ENPP2: variants seen among roughly 807,000 people sequenced by gnomAD.
ENPP2 encodes autotaxin.
Under a neutral mutation model 120.2 loss-of-function variants are expected in ENPP2, and 51 were observed. The observed-to-expected ratio is 0.42, with a 90% CI of 0.34 to 0.54. The LOEUF is 0.54. Among genes scored for constraint, ENPP2 ranks in the 20% least tolerant of loss-of-function variants. The pLI is 0.04. For missense variants in ENPP2, 920 were observed against 1,066.5 expected (o/e 0.86, Z 1.91); for synonymous variants, 365 against 366.4 (o/e 1.00, Z 0.04).
chr8:119,577,654 T>G (rs566719473), intron 19 of ENPP2, among the ~76,000 whole-genome samples: 19 of 152,228 alleles, frequency 1.2e-4, no homozygotes, highest in Non-Finnish European at 2.8e-4. Context: ...TTGGTGCCAC[T>G]AGGCCATGAG....
At chr8:119,652,253 C>T (rs1261509428) in intron 1 of ENPP2, among the ~76,000 whole-genome samples, 1 of 152,078 alleles carries the variant, frequency 6.6e-6, no homozygotes, top group Non-Finnish European at 1.5e-5. Flanking sequence ...CATGAAGCCT[C>T]TACCCTCATG....
In ENPP2 at chr8:119,607,951, C is replaced by A; in HGVS notation, c.804G>T (p.Gly268=). 1 of 1,610,834 alleles carries A rather than the reference C, an allele frequency of 6.2e-7. No individual in the cohort carries two copies. The highest frequency in any genetic ancestry group is 8.5e-7 in the Non-Finnish European group (1 of 1,178,188). The change falls in exon 9 of 25, where the codon GGG becomes GGT. Residue 268 remains glycine, a synonymous_variant. Transcript: ENST00000075322. The stretch of plus-strand genomic sequence containing the variant: ...ACCAAAAGAATGTTCCAGCTTTCAC[C>A]CCTTGCTTGGTGGCTGTAATCCATA... ...QPLWITATKQ[G]VKAGTFFWSV...
In ENPP2 at chr8:119,557,235, G is replaced by T; in HGVS notation, c.*286C>A. ...GACTAAATGTGGCAACTGTGCATTG[G>T]AAAATTAATATTTCCTCAATGCAAA... is the stretch of plus-strand genomic sequence containing the variant. On this transcript the variant is annotated 3_prime_UTR_variant, in exon 25 of 25. Coordinates refer to ENST00000075322, the MANE Select transcript of ENPP2 (RefSeq NM_001040092.3). 1 of 328,250 alleles carries T rather than the reference G, an allele frequency of 3.0e-6. No homozygotes were observed. The highest frequency in any genetic ancestry group is 5.6e-6 in the Non-Finnish European group (1 of 179,182). 20.3% of individuals were successfully genotyped at this position (328,250 alleles called of 1,614,324 possible).
At chr8:119,620,815 C>A (rs944281882) in intron 4 of ENPP2, among the ~76,000 whole-genome samples, 5 of 152,166 alleles carry the variant, frequency 3.3e-5, no homozygotes, top group African/African-American at 9.7e-5. Flanking sequence ...AATGCTGGCC[C>A]CCTCATCCCC....
At chr8:119,600,490 G>T (rs887271268) in intron 11 of ENPP2, among the ~76,000 whole-genome samples, 188 bp downstream of exon 11, 2 of 152,190 alleles carry the variant, frequency 1.3e-5, no homozygotes, top group Admixed American at 6.5e-5. Flanking sequence ...CTGAAATGAA[G>T]CTCCTGTAAC....
At chr8:119,586,780 A>G (rs904161202) in intron 14 of ENPP2, among the ~76,000 whole-genome samples, 2 of 152,226 alleles carry the variant, frequency 1.3e-5, no homozygotes, top group Admixed American at 6.5e-5. Flanking sequence ...AGATTTGTTT[A>G]ACCATGAATG....
chr8:119,646,159 C>T (rs542905419), intron 1 of ENPP2, among the ~76,000 whole-genome samples: 26 of 151,970 alleles, frequency 1.7e-4, no homozygotes, highest in South Asian at 1.0e-3. Flanking sequence ...TTAGTAGAGA[C>T]GGGGTTTCAC....
At position 119,601,346 on chromosome 8, in the gene ENPP2, T is replaced by C. The variant is rs1297203468; in HGVS notation, c.899+51A>G. ...CACAGTCTAGTGTTTCACGCAATTCTAAACTAAGATAGAAATGTACTGAAG... is the reference window on the plus strand; with the variant it reads ...CACAGTCTAGTGTTTCACGCAATTCCAAACTAAGATAGAAATGTACTGAAG... On this transcript the variant is annotated intron_variant, in intron 10 of 24. Transcript: ENST00000075322. 2.3e-6 allele frequency: 3 copies of C among 1,279,588 alleles called. No individual in the cohort carries two copies. The Admixed American group carries it at 5.1e-5, about 22-fold the overall frequency. 79.3% of individuals were successfully genotyped at this position (1,279,588 alleles called of 1,614,324 possible).
At chr8:119,658,024 C>T (rs1183264246) in intron 1 of ENPP2, among the ~76,000 whole-genome samples, 6 of 152,112 alleles carry the variant, frequency 3.9e-5, no homozygotes, top group African/African-American at 1.2e-4. Context: ...AGTTCCTTCA[C>T]GGCAACACAA....
At chr8:119,631,860 C>G (rs1388562717) in intron 2 of ENPP2, among the ~76,000 whole-genome samples, 1 of 152,012 alleles carries the variant, frequency 6.6e-6, no homozygotes, top group Non-Finnish European at 1.5e-5. Context: ...TGATAAAAAT[C>G]AAGTCAGTAT....
At chr8:119,579,936 T>A (rs1235816545) in intron 19 of ENPP2, among the ~76,000 whole-genome samples, 180 bp downstream of exon 19, 1 of 152,190 alleles carries the variant, frequency 6.6e-6, no homozygotes, top group African/African-American at 2.4e-5. Context: ...ATTACACAGC[T>A]GGCATCTTGT....
At chr8:119,605,634 AT>A (rs11385264) in intron 9 of ENPP2, among the ~76,000 whole-genome samples, 5,019 of 143,686 alleles carry the variant, frequency 0.035, 207 homozygotes, top group African/African-American at 0.1. Flanking sequence ...CTAATTTTGT[AT>A]TTTTTTTTTT....
Position 119,638,766 on chromosome 8 carries a change from G to T in ENPP2, c.15C>A (p.Ser5Arg), listed in dbSNP as rs774228450. 2 of 1,606,502 alleles carry T rather than the reference G, an allele frequency of 1.2e-6. No individual in the cohort carries two copies. Among genetic ancestry groups the T allele is most frequent in the African/African-American group, 1.3e-5 (1 of 74,766 alleles). MARR[S>R]SFQSCQIISL... is the part of the protein sequence containing the mutation. ...CTCCCACCTGACACGACTGGAACGA[G>T]CTCCTCCTTGCCATGTCGAGGATTC... is the stretch of plus-strand genomic sequence containing the variant. Residue 5 changes from serine to arginine, a missense_variant, in exon 1 of 25, where the codon AGC (serine) becomes AGA (arginine). By Grantham distance (110) the Ser-to-Arg change is moderately radical. Transcript: ENST00000075322.
At chr8:119,599,216 C>A (rs1814111521) in intron 11 of ENPP2, among the ~76,000 whole-genome samples, 1 of 152,158 alleles carries the variant, frequency 6.6e-6, no homozygotes, top group South Asian at 2.1e-4. Context: ...AGAAAAAGAG[C>A]ATCTGACTTA....
chr8:119,631,418 G>C (rs1460312463), intron 2 of ENPP2, among the ~76,000 whole-genome samples: 2 of 150,078 alleles, frequency 1.3e-5, no homozygotes, highest in Non-Finnish European at 3.0e-5. Context: ...GGGTTTCACC[G>C]TGTTAGCCAG....
Position 119,587,192 on chromosome 8 carries a change from T to C in ENPP2, c.1208-117A>G, listed in dbSNP as rs987532611. ...TCCATCCCACAGAAGACTATCACTT[T>C]AGTGTTTTGTTTGAAAGATAAATAA... On this transcript the variant is annotated intron_variant, in intron 13 of 24. Coordinates refer to ENST00000075322, the MANE Select transcript of ENPP2 (RefSeq NM_001040092.3). 8.6e-5 allele frequency: 71 copies of C among 826,416 alleles called. No homozygotes were observed. In the Middle Eastern group the frequency reaches 1.4e-3, roughly 16 times the overall value. 51.2% of individuals were successfully genotyped at this position (826,416 alleles called of 1,614,324 possible).
At chr8:119,648,302 T>C (rs188121359) in intron 1 of ENPP2, among the ~76,000 whole-genome samples, 3 of 152,328 alleles carry the variant, frequency 2.0e-5, no homozygotes, top group Admixed American at 6.5e-5. Flanking sequence ...ATAGAGTGCT[T>C]AGTAGTGACA....
intron 24 of ENPP2, among the ~76,000 whole-genome samples, chr8:119,561,029 A>G (rs554828153): frequency 2.0e-4 from 31 of 152,342 alleles, no homozygotes; most frequent in African/African-American, 7.2e-4. Context: ...GATATCTACT[A>G]TAGCTACTAT....
At chr8:119,617,615 T>C (rs1815560232) in intron 5 of ENPP2, 52 bp from the exon 6 acceptor site, 1 of 1,241,496 alleles carries the variant, frequency 8.1e-7, no homozygotes, top group African/African-American at 1.5e-5. Context: ...AGAGTTGCCA[T>C]TACGCCTAGT....
Sources: allele counts gnomAD v4.1 joint callset (sites outside exome capture counted in the v4.1 genomes callset), GRCh38; gene constraint gnomAD v4.1.1; transcripts MANE v1.5; gene names NCBI Gene and HGNC (gene_info 2026-07-23, HGNC 2026-07-21).